The following DIP2A variants were observed in gnomAD, a reference collection of about 807,000 sequenced individuals.
DIP2A encodes disco-interacting protein 2 homolog A.
In DIP2A, 85 loss-of-function variants were observed where a neutral mutation model predicts 177.4. The observed-to-expected ratio is 0.48, with a 90% CI of 0.40 to 0.57. The LOEUF (loss-of-function observed/expected upper bound fraction) is 0.57. Ranked by LOEUF, DIP2A falls within the 20% of genes least tolerant of loss-of-function variation. The pLI is 0.00. For synonymous variants in DIP2A, 886 were observed against 881.8 expected (o/e 1.00, Z -0.08); for missense variants, 1,791 against 2,100.2 (o/e 0.85, Z 2.88).
chr21:46,524,875 T>TTTTTTTTTTTTTTTTTTTTTTTTTTTG (rs2059001535), intron 8 of DIP2A, among the ~76,000 whole-genome samples: 1 of 30,574 alleles, frequency 3.3e-5, no homozygotes, highest in African/African-American at 2.2e-4. Flanking sequence ...CTTTTTGCTT[T>TTTTTTTTTTTTTTTTTTTTTTTTTTTG]TTTTTTTTTT....
chr21:46,499,759 A>G lies in DIP2A; in HGVS notation c.655+926A>G, dbSNP rs537682420. ...TACACTCTTGCACAAGTACCTTAAA[A>G]TACAATCAGTATTGTTGAAGACTCA... On this transcript the variant is annotated intron_variant, in intron 5 of 37. Transcript: ENST00000417564. Among the ~76,000 whole-genome samples the G allele has an allele frequency of 4.6e-5, 7 of 152,358 alleles. No homozygotes were observed. In the South Asian group the frequency reaches 1.2e-3, roughly 27 times the overall value.
At chr21:46,474,067 G>C (rs1371216798) in intron 1 of DIP2A, among the ~76,000 whole-genome samples, 2 of 152,182 alleles carry the variant, frequency 1.3e-5, no homozygotes, top group Non-Finnish European at 2.9e-5. Flanking sequence ...AAGAGATTTT[G>C]CTGGTCTGGA....
In DIP2A at chr21:46,545,951, T is replaced by A. The variant is rs1163240814; in HGVS notation, c.2384T>A (p.Phe795Tyr). The A allele has an allele frequency of 6.2e-7, 1 of 1,614,026 alleles. No homozygotes were observed. Among genetic ancestry groups the A allele is most frequent in the South Asian group, 1.1e-5 (1 of 91,080 alleles). The change falls in exon 20 of 38, where the codon TTC becomes TAC. Residue 795 changes from phenylalanine (F) to tyrosine (Y), a missense_variant. Transcript: ENST00000417564. The part of the protein sequence containing the change: ...RPFTRTGLLG[F>Y]IGPDNLVFIV... ...TTCACCAGGACAGGCCTGCTGGGCTTCATCGGGCCTGTGAGTATGTCCTCC... is the reference window on the plus strand; with the variant it reads ...TTCACCAGGACAGGCCTGCTGGGCTACATCGGGCCTGTGAGTATGTCCTCC...
chr21:46,568,204 T>G lies in DIP2A; in HGVS notation c.*582T>G, dbSNP rs1770565222. 6.6e-6 allele frequency: 1 copy of G among 152,208 alleles called. No homozygotes were observed. Among genetic ancestry groups the G allele is most frequent in the Non-Finnish European group, 1.5e-5 (1 of 68,066 alleles). The allele number at this position is 152,208 out of a possible 1,614,324, so 9.4% of individuals were successfully genotyped here. A position where few individuals can be genotyped will look rare whatever the true frequency, so the allele number is the denominator to read the frequency against. ...GGGCACTGTGGTCACACACAGTGCCTCCTCTGCCAGTTCCTTTATTGAAAG... is the reference window on the plus strand; with the variant it reads ...GGGCACTGTGGTCACACACAGTGCCGCCTCTGCCAGTTCCTTTATTGAAAG... On this transcript the variant is annotated 3_prime_UTR_variant, in exon 38 of 38. Transcript: ENST00000417564.
At chr21:46,538,413 C>G in intron 15 of DIP2A, 70 bp from the exon 16 acceptor site, 1 of 1,512,150 alleles carries the variant, frequency 6.6e-7, no homozygotes, top group Non-Finnish European at 8.8e-7. Context: ...ATGAGGTACA[C>G]GTGTCTGTAG....
intron 13 of DIP2A, among the ~76,000 whole-genome samples, chr21:46,536,359 C>T (rs2059569252): frequency 6.6e-6 from 1 of 152,210 alleles, no homozygotes; most frequent in Admixed American, 6.5e-5. Flanking sequence ...CTCAGGACCC[C>T]TATCCACTCC....
At chr21:46,558,419 C>T (rs565369424) in intron 32 of DIP2A, 26 bp downstream of exon 32, 21 of 1,557,032 alleles carry the variant, frequency 1.3e-5, no homozygotes, top group Middle Eastern at 3.3e-4. Flanking sequence ...CTGCGGTTCT[C>T]GAAAGCTGGC....
intron 10 of DIP2A, among the ~76,000 whole-genome samples, chr21:46,532,487 A>G (rs1353734557): frequency 6.6e-6 from 1 of 152,214 alleles, no homozygotes; most frequent in Non-Finnish European, 1.5e-5. Flanking sequence ...CACTCTTATT[A>G]GGTGGAGCTG....
chr21:46,476,578 TAGAGG>T (rs2055866141), intron 1 of DIP2A, among the ~76,000 whole-genome samples: 2 of 151,784 alleles, frequency 1.3e-5, no homozygotes, highest in Admixed American at 6.6e-5. Flanking sequence ...GTGCTCAATA[TAGAGG>T]AAGCAGATCT....
Position 46,554,871 on chromosome 21 carries a change from T to C in DIP2A, c.3326T>C (p.Leu1109Pro). 1 of 1,542,314 alleles carries C rather than the reference T, an allele frequency of 6.5e-7. No individual in the cohort carries two copies. Among genetic ancestry groups the C allele is most frequent in the Non-Finnish European group, 8.7e-7 (1 of 1,144,028 alleles). ...ACCACGCAGGCTGTCACACGGCTGC[T>C]CAGGTCCAAGGAGGCTGCTGCTGCC... ...VLTTQAVTRL[L>P]RSKEAAAAVD... Residue 1109 changes from leucine to proline, a missense_variant, in exon 28 of 38, where the codon CTC (leucine) becomes CCC (proline). Leu to Pro is a moderately conservative substitution (Grantham distance 98). Transcript: ENST00000417564.
At chr21:46,492,931 C>A (rs373928392) in intron 3 of DIP2A, among the ~76,000 whole-genome samples, 12 of 135,122 alleles carry the variant, frequency 8.9e-5, no homozygotes, top group African/African-American at 1.3e-4. Flanking sequence ...GACTCTGTCT[C>A]AAAAAAAAAA....
At chr21:46,479,613 A>G (rs2056187444) in intron 1 of DIP2A, among the ~76,000 whole-genome samples, 1 of 152,112 alleles carries the variant, frequency 6.6e-6, no homozygotes, top group African/African-American at 2.4e-5. Flanking sequence ...GCAGCCTCGA[A>G]CTCCTGGGCT....
intron 33 of DIP2A, 107 bp downstream of exon 33, chr21:46,560,890 C>A: frequency 6.6e-7 from 1 of 1,507,916 alleles, no homozygotes; most frequent in Non-Finnish European, 8.9e-7. Flanking sequence ...TAGAGGACGG[C>A]GGGGCCAAGT....
intron 2 of DIP2A, among the ~76,000 whole-genome samples, chr21:46,487,095 A>C (rs1305396969): frequency 6.6e-6 from 1 of 152,222 alleles, no homozygotes; most frequent in African/African-American, 2.4e-5. Context: ...CATGGAAGTT[A>C]AATTGGAGAG....
At chr21:46,552,051 C>A in intron 25 of DIP2A, 147 bp downstream of exon 25, 1 of 970,130 alleles carries the variant, frequency 1.0e-6, no homozygotes, top group South Asian at 1.5e-5. Flanking sequence ...CCTGGTTGTT[C>A]TCATGCGTAG....
At chr21:46,528,777 C>T (rs2059232906) in intron 8 of DIP2A, among the ~76,000 whole-genome samples, 1 of 151,772 alleles carries the variant, frequency 6.6e-6, no homozygotes, top group South Asian at 2.1e-4. Flanking sequence ...ATCTGCCTGC[C>T]TCGTCCTTCC....
intron 1 of DIP2A, among the ~76,000 whole-genome samples, 198 bp downstream of exon 1, chr21:46,459,420 C>T (rs1316519880): frequency 6.6e-6 from 1 of 150,978 alleles, no homozygotes; most frequent in Non-Finnish European, 1.5e-5. Context: ...ACCCGCCCCT[C>T]GCCCCGGAGA....
chr21:46,578,488 G>T, the DIP2A span, among the ~76,000 whole-genome samples: 1 of 152,142 alleles, frequency 6.6e-6, no homozygotes, highest in Admixed American at 6.5e-5. Context: ...AACTTCCAAT[G>T]TTATGTTGAA....
chr21:46,470,703 G>A (rs2055287692), intron 1 of DIP2A, among the ~76,000 whole-genome samples: 1 of 151,728 alleles, frequency 6.6e-6, no homozygotes, highest in South Asian at 2.1e-4. Flanking sequence ...CCTGGGAAAT[G>A]GAGTGAGCAG....
Sources: allele counts gnomAD v4.1 joint callset (sites outside exome capture counted in the v4.1 genomes callset), GRCh38; gene constraint gnomAD v4.1.1; transcripts MANE v1.5; gene names NCBI Gene and HGNC (gene_info 2026-07-23, HGNC 2026-07-21).